MALRD1: variants seen among roughly 807,000 people sequenced by gnomAD.
MALRD1 encodes MAM and LDL-receptor class A domain-containing protein 1.
A neutral mutation model predicts 242.1 loss-of-function variants in MALRD1; 247 were observed. That is an observed-to-expected ratio of 1.02 (90% confidence interval 0.92 to 1.13). The LOEUF (loss-of-function observed/expected upper bound fraction) is 1.13, where lower values mean the gene tolerates loss of function less well. MALRD1 is among the 50% of genes most tolerant of loss of function. The pLI is 0.00. For missense variants in MALRD1, 2,989 were observed against 2,533.1 expected, an observed-to-expected ratio of 1.18 and a Z score of -3.86; for synonymous variants, 995 against 866.6, an observed-to-expected ratio of 1.15 and a Z score of -2.60.
At chr10:19,553,258 A>G (rs1835572933) in intron 32 of MALRD1, among the ~76,000 whole-genome samples, 1 of 152,136 alleles carries the variant, frequency 6.6e-6, no homozygotes, top group Admixed American at 6.6e-5. Context: ...CAAAATTTCC[A>G]ATTTAAAATT....
chr10:19,568,034 C>T (rs1011219624), intron 33 of MALRD1, among the ~76,000 whole-genome samples: 4 of 152,148 alleles, frequency 2.6e-5, no homozygotes, highest in African/African-American at 9.7e-5. Context: ...CCTGTGGCTA[C>T]CTATTATCTT....
intron 29 of MALRD1, among the ~76,000 whole-genome samples, chr10:19,457,785 C>G (rs756567600): frequency 1.3e-5 from 2 of 150,394 alleles, no homozygotes; most frequent in Admixed American, 1.3e-4. Flanking sequence ...TAAGTGATAT[C>G]AGACATATCA....
chr10:19,536,046 G>A (rs1374243657), intron 32 of MALRD1, among the ~76,000 whole-genome samples: 4 of 152,264 alleles, frequency 2.6e-5, no homozygotes, highest in African/African-American at 7.2e-5. Context: ...CCTTGTCAGC[G>A]TAAATTTTCT....
At chr10:19,492,629 C>T (rs1837543507) in intron 30 of MALRD1, among the ~76,000 whole-genome samples, 1 of 152,202 alleles carries the variant, frequency 6.6e-6, no homozygotes, top group Non-Finnish European at 1.5e-5. Context: ...GTACACAGGG[C>T]TGGCTTCTAC....
At chr10:19,680,601 C>T (rs188555371) in intron 36 of MALRD1, among the ~76,000 whole-genome samples, 2 of 152,196 alleles carry the variant, frequency 1.3e-5, no homozygotes, top group East Asian at 1.9e-4. Context: ...TCTTGCCATT[C>T]TGTGTCTTTT....
chr10:19,596,551 A>G (rs1838108190), intron 34 of MALRD1, among the ~76,000 whole-genome samples: 1 of 151,776 alleles, frequency 6.6e-6, no homozygotes. Flanking sequence ...CAACATAGTG[A>G]GAACCCATCT....
intron 34 of MALRD1, among the ~76,000 whole-genome samples, chr10:19,604,931 A>G (rs1838534842): frequency 6.6e-6 from 1 of 152,150 alleles, no homozygotes; most frequent in South Asian, 2.1e-4. Flanking sequence ...ATACCTGTGC[A>G]TACTTCTTCA....
chr10:19,291,219 A>C (rs1841408241), intron 21 of MALRD1, among the ~76,000 whole-genome samples: 1 of 152,170 alleles, frequency 6.6e-6, no homozygotes, highest in Non-Finnish European at 1.5e-5. Flanking sequence ...ATTCATGTGA[A>C]ATGATGTCTG....
At chr10:19,278,486 T>TCTATCC (rs1564523935) in intron 19 of MALRD1, among the ~76,000 whole-genome samples, 28 of 115,082 alleles carry the variant, frequency 2.4e-4, no homozygotes, top group African/African-American at 7.3e-4. Flanking sequence ...TCCATCCATC[T>TCTATCC]ATCCATCCAT....
chr10:19,134,124 A>G (rs966130127), intron 9 of MALRD1, among the ~76,000 whole-genome samples, 176 bp downstream of exon 9: 28 of 152,104 alleles, frequency 1.8e-4, no homozygotes, highest in African/African-American at 6.3e-4. Flanking sequence ...TTCTGAGACC[A>G]AATTTCCCAT....
chr10:19,102,032 C>A (rs1226813561), intron 4 of MALRD1, among the ~76,000 whole-genome samples: 1 of 133,722 alleles, frequency 7.5e-6, no homozygotes. Flanking sequence ...TAATTATAAA[C>A]TATATTTAAT....
chr10:19,711,364 G>A (rs763922762), intron 38 of MALRD1: 1 of 152,134 alleles, frequency 6.6e-6, no homozygotes, highest in Non-Finnish European at 1.5e-5. Flanking sequence ...CATCTGTTAA[G>A]CACCTATTAT....
rs2131189626 is a variant in MALRD1, at chr10:19,049,039, G to A, written c.101G>A (p.Gly34Glu). Residue 34 changes from glycine (G) to glutamate (E), a missense_variant, in exon 1 of 40, where the codon GGG becomes GAG. By Grantham distance (98) the Gly-to-Glu change is moderately conservative. Transcript: ENST00000454679. ...TTCAATTCTACACTGGCTCAGCAAG[G>A]GACAGAAAGCTTTCAGTGTGACAAT... ...CVFNSTLAQQ[G>E]TESFQCDNGV... 5.7e-6 allele frequency: 7 copies of A among 1,233,842 alleles called. No homozygotes were observed. Among genetic ancestry groups the A allele is most frequent in the Non-Finnish European group, 7.1e-6 (7 of 988,122 alleles). The allele number at this position is 1,233,842 out of a possible 1,614,324, so 76.4% of individuals were successfully genotyped here.
chr10:19,572,850 A>G (rs1349125427), intron 33 of MALRD1, among the ~76,000 whole-genome samples: 5 of 152,102 alleles, frequency 3.3e-5, no homozygotes, highest in Non-Finnish European at 5.9e-5. Flanking sequence ...AAAAGAAGCT[A>G]AGAGAAAGGA....
intron 26 of MALRD1, among the ~76,000 whole-genome samples, chr10:19,380,135 T>C (rs992785295): frequency 6.6e-6 from 1 of 151,614 alleles, no homozygotes; most frequent in African/African-American, 2.4e-5. Flanking sequence ...CCACCATGCC[T>C]GGCTAATTTT....
rs1176256957 is a variant in MALRD1 at position 19,146,363 on chromosome 10, T to A, written c.1558+19T>A. Reference sequence around the variant, plus strand: ...AATCATGGTAGGACATTTTCCTCTTTAAAAAAAAATAGTTTTCTTTCTTGC... The same window carrying A: ...AATCATGGTAGGACATTTTCCTCTTAAAAAAAAAATAGTTTTCTTTCTTGC... On this transcript the variant is annotated intron_variant, in intron 11 of 39. Transcript: ENST00000454679. The A allele has an allele frequency of 1.5e-5, 18 of 1,202,220 alleles. No homozygotes were observed. The highest frequency in any genetic ancestry group is 4.3e-5 in the Admixed American group (1 of 23,306). The allele number at this position is 1,202,220 out of a possible 1,614,324, so 74.5% of individuals were successfully genotyped here.
At chr10:19,198,395 G>A (rs945818028) in intron 14 of MALRD1, among the ~76,000 whole-genome samples, 4 of 152,188 alleles carry the variant, frequency 2.6e-5, no homozygotes, top group African/African-American at 2.4e-5. Flanking sequence ...TTGTATCACC[G>A]CTAAAGAGGC....
intron 36 of MALRD1, among the ~76,000 whole-genome samples, chr10:19,681,414 C>T (rs971064007): frequency 3.3e-5 from 5 of 152,094 alleles, no homozygotes; most frequent in African/African-American, 7.2e-5. Flanking sequence ...ATAGTCTTTA[C>T]GCTCTGAAAT....
intron 22 of MALRD1, among the ~76,000 whole-genome samples, chr10:19,326,001 C>A (rs910332906): frequency 6.6e-6 from 1 of 150,754 alleles, no homozygotes; most frequent in Admixed American, 6.7e-5. Context: ...AACATAGTTT[C>A]TTTCAAAAAA....
Sources: allele counts gnomAD v4.1 joint callset (sites outside exome capture counted in the v4.1 genomes callset), GRCh38; gene constraint gnomAD v4.1.1; transcripts MANE v1.5; gene names NCBI Gene and HGNC (gene_info 2026-07-23, HGNC 2026-07-21).